Variants in RRM2 observed in about 807,000 individuals in gnomAD.
The protein encoded by RRM2 is ribonucleotide reductase regulatory subunit M2.
Under a neutral mutation model 45.9 loss-of-function variants are expected in RRM2, and 6 were observed. That is an observed-to-expected ratio of 0.13 (90% CI 0.07 to 0.26). The LOEUF (loss-of-function observed/expected upper bound fraction) is 0.26. Among genes scored for constraint, RRM2 ranks in the 10% least tolerant of loss-of-function variants. The pLI, the probability that RRM2 is intolerant of heterozygous loss-of-function variation, is 1.00. For synonymous variants in RRM2, 177 were observed against 173.0 expected, an observed-to-expected ratio of 1.02 and a Z score of -0.18; for missense variants, 343 against 489.5, an observed-to-expected ratio of 0.70 and a Z score of 2.82.
rs141926508 is a variant in RRM2 at position 10,127,112 on chromosome 2, A to C, written c.690A>C (p.Ala230=). ...GTGAACGTGTTGTAGCCTTTGCTGC[A>C]GTGGAAGGCATTTTCTTTTCCGGTT... is the stretch of plus-strand genomic sequence containing the variant. ...TYGERVVAFA[A]VEGIFFSGSF... Residue 230 remains alanine, a synonymous_variant, in exon 7 of 10, where the codon GCA becomes GCC. Transcript: ENST00000304567. The surrounding 1 kb of genome is among the most constrained non-coding windows in gnomAD (Gnocchi z 4.1). 6.2e-7 allele frequency: 1 copy of C among 1,614,126 alleles called. No individual in the cohort carries two copies. Among genetic ancestry groups the C allele is most frequent in the Non-Finnish European group, 8.5e-7 (1 of 1,180,050 alleles).
chr2:10,152,364 CCTT>C (rs1476096634), intron 3 of RRM2, among the ~76,000 whole-genome samples: 10 of 151,866 alleles, frequency 6.6e-5, no homozygotes, highest in African/African-American at 2.4e-4. Context: ...TAGTCTGTGC[CCTT>C]CTTTTTCATT....
chr2:10,183,817 C>T (rs573595443), intron 3 of RRM2, among the ~76,000 whole-genome samples: 5 of 143,194 alleles, frequency 3.5e-5, no homozygotes, highest in African/African-American at 5.3e-5. Flanking sequence ...AGGCCAGGTG[C>T]GGTGGCTCAC....
At chr2:10,145,417 G>A (rs947860939) in intron 3 of RRM2, 3 of 152,264 alleles carry the variant, frequency 2.0e-5, no homozygotes, top group African/African-American at 7.2e-5. Flanking sequence ...TGTGCAGCTC[G>A]TTCTGGCGTG....
intron 3 of RRM2, among the ~76,000 whole-genome samples, chr2:10,193,308 C>T (rs1007781845): frequency 3.9e-5 from 6 of 152,172 alleles, no homozygotes; most frequent in Non-Finnish European, 5.9e-5. Flanking sequence ...TGCCTCCTCC[C>T]GGAGCTGCTG....
chr2:10,163,856 G>A (rs1161083675), intron 3 of RRM2, among the ~76,000 whole-genome samples: 5 of 152,222 alleles, frequency 3.3e-5, no homozygotes, highest in Admixed American at 3.3e-4. Context: ...CTTGCCTCTT[G>A]GCTGTGTGAC....
intron 3 of RRM2, among the ~76,000 whole-genome samples, chr2:10,208,261 C>A (rs1384242839): frequency 6.6e-6 from 1 of 152,064 alleles, no homozygotes; most frequent in Non-Finnish European, 1.5e-5. Flanking sequence ...CTGAGACCAC[C>A]CAGTCCTAAG....
chr2:10,189,846 C>T (rs1380261384), intron 3 of RRM2, among the ~76,000 whole-genome samples: 1 of 152,252 alleles, frequency 6.6e-6, no homozygotes, highest in Non-Finnish European at 1.5e-5. Flanking sequence ...ATCTCCAGTT[C>T]CTGGCCCAGA....
chr2:10,157,815 A>C (rs1648555984), intron 3 of RRM2, among the ~76,000 whole-genome samples: 1 of 152,208 alleles, frequency 6.6e-6, no homozygotes, highest in African/African-American at 2.4e-5. Flanking sequence ...CTTGCTCTGC[A>C]AACCAACCCT....
chr2:10,135,684 A>G (rs1035071834), downstream of RRM2, among the ~76,000 whole-genome samples: 1 of 152,232 alleles, frequency 6.6e-6, no homozygotes, highest in Non-Finnish European at 1.5e-5. Flanking sequence ...TTCTAGCTAT[A>G]AATGATTGCC....
intron 3 of RRM2, among the ~76,000 whole-genome samples, chr2:10,200,541 G>GGCCCACAGGGAC: frequency 1.4e-4 from 1 of 7,170 alleles, no homozygotes; most frequent in Non-Finnish European, 3.0e-4. Context: ...CAAATTATGA[G>GGCCCACAGGGAC]TCCCACAGGG....
intron 3 of RRM2, among the ~76,000 whole-genome samples, chr2:10,153,216 C>T (rs1422108124): frequency 6.6e-6 from 1 of 152,074 alleles, no homozygotes; most frequent in Non-Finnish European, 1.5e-5. Context: ...CACCTGTAGT[C>T]CCAGCTACTC....
Position 10,171,619 on chromosome 2 carries a change from GAGCAGC to G in RRM2, n.482+29251_482+29256del, listed in dbSNP as rs1663809199. On this transcript the variant is annotated intron_variant and non_coding_transcript_variant, in intron 3 of 3. Coordinates refer to the RRM2 transcript ENST00000381786. The surrounding 1 kb of genome is among the most constrained non-coding windows in gnomAD (Gnocchi z 4.1). ...TGAACAAAGGAACAGGGTGATCTGG[GAGCAGC>G]AGCAGCCGCTGTCCTGAGCATCTGG... 6.6e-6 allele frequency among the ~76,000 whole-genome samples: 1 copy of G among 152,150 alleles called. No homozygotes were observed. The highest frequency in any genetic ancestry group is 2.4e-5 in the African/African-American group (1 of 41,418).
rs1480135385 is a variant in RRM2, at chr2:10,123,402, GC to G, written c.195del (p.Gly66AlafsTer8). ...CCCCCAACAGAAAACTAAAGCAGCTGCCCCCGGCGTGGAGGATGAGCCGCTG... is the reference window on the plus strand; with the variant it reads ...CCCCCAACAGAAAACTAAAGCAGCTGCCCCGGCGTGGAGGATGAGCCGCTG... ...EPTEPKTKAA[A>X]PGVEDEPLLR... On this transcript the variant is annotated frameshift_variant, in exon 3 of 10. Transcript: ENST00000304567. LOFTEE classifies it high-confidence loss of function. 4.4e-6 allele frequency: 7 copies of G among 1,604,272 alleles called. No individual in the cohort carries two copies. In the Admixed American group the frequency reaches 5.4e-5, roughly 12 times the overall value.
At chr2:10,149,434 T>G (rs1181920324) in intron 3 of RRM2, among the ~76,000 whole-genome samples, 1 of 152,170 alleles carries the variant, frequency 6.6e-6, no homozygotes, top group Non-Finnish European at 1.5e-5. Flanking sequence ...CAGCCCTGCT[T>G]TATTAATTTT....
At chr2:10,126,107 T>C (rs1198811971) in intron 5 of RRM2, among the ~76,000 whole-genome samples, 1 of 145,852 alleles carries the variant, frequency 6.9e-6, no homozygotes, top group Non-Finnish European at 1.5e-5. Context: ...TACCGTGAGC[T>C]GTGATCATCT....
intron 5 of RRM2, among the ~76,000 whole-genome samples, chr2:10,126,291 A>G (rs1363158754): frequency 6.6e-6 from 1 of 151,876 alleles, no homozygotes; most frequent in Non-Finnish European, 1.5e-5. Context: ...CACCAGAATA[A>G]AGGGAGGCAG....
In RRM2 at chr2:10,172,328, C is replaced by G. The variant is rs183038879; in HGVS notation, n.482+29953C>G. Reference sequence around the variant, plus strand: ...CCCTGGGCTGTGCCTGTTTCCCTCCCACTTCTGCTGCCTCCATCTGACCCT... The same window carrying G: ...CCCTGGGCTGTGCCTGTTTCCCTCCGACTTCTGCTGCCTCCATCTGACCCT... On this transcript the variant is annotated intron_variant and non_coding_transcript_variant, in intron 3 of 3. Coordinates refer to the RRM2 transcript ENST00000381786. This position sits in a 1 kb window ranked among gnomAD's most constrained non-coding sequence, Gnocchi z 4.9. Among the ~76,000 whole-genome samples the G allele has an allele frequency of 3.5e-3, 534 of 152,242 alleles. 1 individual carries two copies. Among genetic ancestry groups the G allele is most frequent in the Non-Finnish European group, 6.3e-3 (426 of 68,006 alleles).
At position 10,204,392 on chromosome 2, in the gene RRM2, T is replaced by C. The variant is rs1362549551; in HGVS notation, n.483-5919T>C. Reference sequence around the variant, plus strand: ...GGGAAGGAGACTCCAGGGAGAGGAATGTGTGAGAAAATGGGGAGGAGAGGG... The same window carrying C: ...GGGAAGGAGACTCCAGGGAGAGGAACGTGTGAGAAAATGGGGAGGAGAGGG... On this transcript the variant is annotated intron_variant and non_coding_transcript_variant, in intron 3 of 3. Coordinates refer to the RRM2 transcript ENST00000381786. This position sits in a 1 kb window ranked among gnomAD's most constrained non-coding sequence, Gnocchi z 4.0. 6.6e-6 allele frequency among the ~76,000 whole-genome samples: 1 copy of C among 151,902 alleles called. No homozygotes were observed. The highest frequency in any genetic ancestry group is 2.4e-5 in the African/African-American group (1 of 41,340).
At chr2:10,160,034 T>A (rs1663522730) in intron 3 of RRM2, among the ~76,000 whole-genome samples, 1 of 152,016 alleles carries the variant, frequency 6.6e-6, no homozygotes, top group Non-Finnish European at 1.5e-5. Context: ...CTGTGATGAG[T>A]TTCTTCCCTG....
Sources: gnomAD v4.1 joint callset for allele counts (sites outside exome capture counted in the v4.1 genomes callset) on GRCh38, gnomAD v4.1.1 for gene constraint, Gnocchi (gnomAD v3.1) non-coding constraint, MANE v1.5 for transcripts, NCBI Gene and HGNC (gene_info 2026-07-23, HGNC 2026-07-21) for gene names.